The following SCAI variants were observed in gnomAD, a reference collection of about 807,000 sequenced individuals.
The protein encoded by SCAI is suppressor of cancer cell invasion, also known as protein SCAI.
A neutral mutation model predicts 92.2 loss-of-function variants in SCAI; 24 were observed. The observed-to-expected ratio is 0.26, with a 90% CI of 0.19 to 0.37. The LOEUF (loss-of-function observed/expected upper bound fraction) is 0.37. SCAI is among the 10% of genes least tolerant of loss of function. The pLI is 1.00. For synonymous variants in SCAI, 261 were observed against 258.6 expected, an observed-to-expected ratio of 1.01 and a Z score of -0.09; for missense variants, 450 against 736.2, an observed-to-expected ratio of 0.61 and a Z score of 4.50.
chr9:125,093,168 C>G (rs1001346137), intron 2 of SCAI, among the ~76,000 whole-genome samples: 1 of 152,172 alleles, frequency 6.6e-6, no homozygotes, highest in Non-Finnish European at 1.5e-5. Flanking sequence ...CAAGACCAGC[C>G]TGGCTAACAT....
intron 2 of SCAI, among the ~76,000 whole-genome samples, chr9:125,089,471 G>A (rs1269554445): frequency 6.6e-6 from 1 of 152,184 alleles, no homozygotes; most frequent in East Asian, 1.9e-4. Flanking sequence ...AAAGATGAAA[G>A]TGCAAAGGAT....
intron 3 of SCAI, among the ~76,000 whole-genome samples, chr9:125,032,021 T>G (rs1833082854): frequency 6.6e-6 from 1 of 151,880 alleles, no homozygotes; most frequent in Non-Finnish European, 1.5e-5. Flanking sequence ...AGTTCAACTC[T>G]GTCTCAATCA....
intron 14 of SCAI, among the ~76,000 whole-genome samples, chr9:124,979,109 C>T (rs1284962806): frequency 1.3e-5 from 2 of 151,968 alleles, no homozygotes; most frequent in Non-Finnish European, 2.9e-5. Context: ...GATCTGCCTG[C>T]CTCAGCCTCC....
intron 2 of SCAI, among the ~76,000 whole-genome samples, chr9:125,133,271 C>T (rs1176765110): frequency 6.6e-6 from 1 of 151,946 alleles, no homozygotes; most frequent in Non-Finnish European, 1.5e-5. Context: ...GCGCCTTAAT[C>T]GCAGCTCCTA....
At chr9:125,045,472 C>A (rs1833414904) in intron 3 of SCAI, among the ~76,000 whole-genome samples, 2 of 152,150 alleles carry the variant, frequency 1.3e-5, no homozygotes, top group Admixed American at 1.3e-4. Context: ...TCTTGAGCAG[C>A]TGGACTACAG....
Position 125,002,050 on chromosome 9 carries a change from T to C in SCAI, c.1066-7A>G. 1.2e-6 allele frequency: 2 copies of C among 1,602,346 alleles called. No individual in the cohort carries two copies. The highest frequency in any genetic ancestry group is 1.7e-6 in the Non-Finnish European group (2 of 1,169,228). ...CGCTATTGGCAGGCAGCTCCTGAAA[T>C]GAAAGAAAATCACATACACAAAACA... On this transcript the variant is annotated splice_region_variant and splice_polypyrimidine_tract_variant and intron_variant, in intron 11 of 17. Coordinates refer to ENST00000336505, the MANE Select transcript of SCAI (RefSeq NM_001144877.3).
In SCAI at chr9:125,061,804, T is replaced by A. The variant is rs1041603380; in HGVS notation, c.99-5797A>T. On this transcript the variant is annotated intron_variant, in intron 2 of 17. Transcript: ENST00000336505. ...AAGAAAAGAAAAGAAAAGAAAAAAATATATATGGAATTCATCACCAGCAGA... is the reference window on the plus strand; with the variant it reads ...AAGAAAAGAAAAGAAAAGAAAAAAAAATATATGGAATTCATCACCAGCAGA... Among the ~76,000 whole-genome samples the A allele has an allele frequency of 1.7e-4, 26 of 151,366 alleles. 1 individual carries two copies. The highest frequency in any genetic ancestry group is 1.6e-3 in the Admixed American group (25 of 15,196).
chr9:125,103,571 CCTT>C (rs1390518445), intron 2 of SCAI, among the ~76,000 whole-genome samples: 6 of 152,300 alleles, frequency 3.9e-5, no homozygotes, highest in African/African-American at 1.2e-4. Flanking sequence ...AACAAGCGGT[CCTT>C]ACTATTCCAA....
intron 3 of SCAI, among the ~76,000 whole-genome samples, chr9:125,046,869 ATATAT>A (rs887306309): frequency 5.9e-5 from 9 of 151,958 alleles, no homozygotes; most frequent in East Asian, 1.9e-4. Flanking sequence ...CTTTGATAGA[ATATAT>A]TATATTATAA....
rs1037274982 is a variant in SCAI, at chr9:124,971,721, C to T, written c.1523G>A (p.Arg508Gln). 2.5e-6 allele frequency: 4 copies of T among 1,610,594 alleles called. No homozygotes were observed. Among genetic ancestry groups the T allele is most frequent in the African/African-American group, 1.3e-5 (1 of 74,716 alleles). ...GLWEKCQEYL[R>Q]KINRDIAQLL... ...CTGGGCAATATCACGGTTGATTTTT[C>T]GAAGATATTCTTGACACTTTTCCCA... Residue 508 changes from arginine to glutamine, a missense_variant, in exon 16 of 18, where the codon CGA becomes CAA. By Grantham distance (43) the Arg-to-Gln change is conservative. This residue lies in a region of SCAI where 360 missense variants were observed against 601.8 expected (regional missense o/e 0.60). Transcript: ENST00000336505.
chr9:125,134,406 C>T (rs530227463), intron 2 of SCAI, among the ~76,000 whole-genome samples: 10 of 152,304 alleles, frequency 6.6e-5, no homozygotes, highest in African/African-American at 1.9e-4. Context: ...GAACCCAGAA[C>T]TAGAAAGCAT....
intron 2 of SCAI, chr9:125,066,029 G>T: frequency 1.3e-6 from 1 of 771,414 alleles, no homozygotes; most frequent in South Asian, 1.4e-5. Flanking sequence ...TTGAGATTGT[G>T]AATGACTGCT....
At chr9:125,077,731 A>T (rs1004859182) in intron 2 of SCAI, among the ~76,000 whole-genome samples, 1 of 151,326 alleles carries the variant, frequency 6.6e-6, no homozygotes, top group Admixed American at 6.6e-5. Flanking sequence ...TTATTTATTT[A>T]TTTTTGAGAT....
chr9:124,979,290 A>C (rs1466481719), intron 14 of SCAI, among the ~76,000 whole-genome samples: 1 of 152,048 alleles, frequency 6.6e-6, no homozygotes, highest in Non-Finnish European at 1.5e-5. Flanking sequence ...CTGTAATCCC[A>C]GCACTTTGAG....
chr9:124,995,162 G>A (rs1408041169), intron 13 of SCAI, 147 bp from the exon 14 acceptor site: 1 of 545,928 alleles, frequency 1.8e-6, no homozygotes, highest in South Asian at 2.7e-5. Flanking sequence ...AAAAAAGCCT[G>A]TATTTACTAG....
intron 17 of SCAI, among the ~76,000 whole-genome samples, chr9:124,962,168 T>G (rs1231085148): frequency 4.3e-5 from 6 of 138,660 alleles, no homozygotes; most frequent in Admixed American, 2.4e-4. Flanking sequence ...TTTTTTTTTT[T>G]TTGCGGGGGG....
intron 3 of SCAI, among the ~76,000 whole-genome samples, chr9:125,039,029 C>T (rs533338633): frequency 4.6e-5 from 7 of 152,266 alleles, no homozygotes; most frequent in African/African-American, 1.7e-4. Context: ...TCATAGCTCT[C>T]AGTATGTATA....
At chr9:125,002,288 AAT>A (rs1210299437) in intron 11 of SCAI, among the ~76,000 whole-genome samples, 1 of 152,168 alleles carries the variant, frequency 6.6e-6, no homozygotes, top group Non-Finnish European at 1.5e-5. Context: ...TCATTTGGAG[AAT>A]ATTCTCCGAA....
At chr9:125,014,866 G>A (rs2131063678) in intron 9 of SCAI, among the ~76,000 whole-genome samples, 1 of 152,232 alleles carries the variant, frequency 6.6e-6, no homozygotes, top group Middle Eastern at 3.4e-3. Context: ...AGAGCCCTCA[G>A]AAATAACGCC....
Sources: gnomAD v4.1 joint callset for allele counts (sites outside exome capture counted in the v4.1 genomes callset) on GRCh38, gnomAD v4.1.1 for gene constraint, gnomAD v4.1.1 regional missense constraint, MANE v1.5 for transcripts, NCBI Gene and HGNC (gene_info 2026-07-23, HGNC 2026-07-21) for gene names.